ODF2: variants seen among roughly 807,000 people sequenced by gnomAD.
The protein encoded by ODF2 is outer dense fiber protein 2.
A neutral mutation model predicts 110.2 loss-of-function variants in ODF2; 47 were observed. The observed-to-expected ratio is 0.43, with a 90% CI of 0.34 to 0.54. The LOEUF is 0.54. ODF2 is among the 20% of genes least tolerant of loss of function. The pLI is 0.03. For missense variants in ODF2, 812 were observed against 1,054.5 expected, an observed-to-expected ratio of 0.77 and a Z score of 3.19; for synonymous variants, 352 against 397.7, an observed-to-expected ratio of 0.89 and a Z score of 1.37.
chr9:128,464,444 G>A (rs971432950), intron 4 of ODF2, among the ~76,000 whole-genome samples: 12 of 152,056 alleles, frequency 7.9e-5, no homozygotes, highest in Admixed American at 5.9e-4. Context: ...GTGAGCCACT[G>A]TGCCCAGCCC....
chr9:128,482,818 C>A, exon 10 of ODF2: 1 of 1,613,670 alleles, frequency 6.2e-7, no homozygotes, highest in Non-Finnish European at 8.5e-7. Flanking sequence ...TCTCCCAGCG[C>A]CTGCTGTTAC....
chr9:128,456,325 C>A, intron 1 of ODF2, 70 bp downstream of exon 1: 3 of 1,465,514 alleles, frequency 2.0e-6, no homozygotes, highest in East Asian at 2.8e-5. Context: ...CGCCTTCGCA[C>A]CCCCGGCGCG....
chr9:128,497,442 AAAAAATATATATAT>A (rs1845774404), intron 18 of ODF2: 1 of 83,228 alleles, frequency 1.2e-5, no homozygotes, highest in African/African-American at 8.3e-5. Context: ...AAAAAAAAAA[AAAAAATATATATAT>A]ATATATATAT....
chr9:128,489,869 A>T (rs1046986157), intron 14 of ODF2, among the ~76,000 whole-genome samples: 4 of 152,162 alleles, frequency 2.6e-5, no homozygotes, highest in African/African-American at 9.7e-5. Flanking sequence ...TAGTTGAACA[A>T]ATCTCCACAC....
chr9:128,499,988 C>A, intron 20 of ODF2, 79 bp from the exon 21 acceptor site: 1 of 1,525,390 alleles, frequency 6.6e-7, no homozygotes, highest in Non-Finnish European at 8.9e-7. Context: ...CTGGCAACTC[C>A]TAAGAAAGTC....
rs1842694515 is a variant in ODF2, at chr9:128,482,941, G to T, written c.987+54G>T. 14 of 1,436,282 alleles carry T rather than the reference G, an allele frequency of 9.7e-6. No homozygotes were observed. In the South Asian group the frequency reaches 1.6e-4, roughly 16 times the overall value. 89.0% of individuals were successfully genotyped at this position (1,436,282 alleles called of 1,614,324 possible). A position where few individuals can be genotyped will look rare whatever the true frequency, so the allele number is the denominator to read the frequency against. Reference sequence around the variant, plus strand: ...AGACGGAGTCTCGCTCTGTCGCCAGGCTGGAGTGCAATGGCGCGATCTCAG... The same window carrying T: ...AGACGGAGTCTCGCTCTGTCGCCAGTCTGGAGTGCAATGGCGCGATCTCAG... On this transcript the variant is annotated intron_variant, in intron 10 of 20. Transcript: ENST00000604420.
chr9:128,484,800 T>C (rs763660330), exon 12 of ODF2: 9 of 1,613,618 alleles, frequency 5.6e-6, no homozygotes, highest in African/African-American at 1.3e-5. Flanking sequence ...CAAAGAGAGC[T>C]TGAAGAAGGC....
chr9:128,471,550 A>G lies in ODF2; in HGVS notation c.581+82A>G, dbSNP rs1442420144. The G allele has an allele frequency of 1.8e-5, 25 of 1,424,956 alleles. No homozygotes were observed. The Middle Eastern group carries it at 5.3e-4, about 30-fold the overall frequency. 88.3% of individuals were successfully genotyped at this position (1,424,956 alleles called of 1,614,324 possible). ...GAGCCCTGGGCAATAATGGAAAGCA[A>G]CGTAGGAGGTGGGCACAGGCACTGT... On this transcript the variant is annotated intron_variant, in intron 6 of 20. Transcript: ENST00000604420.
intron 20 of ODF2, 54 bp from the exon 21 acceptor site, chr9:128,500,013 G>T: frequency 6.3e-7 from 1 of 1,599,326 alleles, no homozygotes; most frequent in East Asian, 2.2e-5. Flanking sequence ...TGTCTCTATG[G>T]ATTTCTATTT....
intron 10 of ODF2, 66 bp downstream of exon 10, chr9:128,482,953 T>G: frequency 2.3e-6 from 3 of 1,278,270 alleles, no homozygotes; most frequent in Non-Finnish European, 3.3e-6. Flanking sequence ...TGGAGTGCAA[T>G]GGCGCGATCT....
At chr9:128,469,970 A>C (rs1839300805) in intron 5 of ODF2, among the ~76,000 whole-genome samples, 1 of 103,258 alleles carries the variant, frequency 9.7e-6, no homozygotes. Context: ...GGCGACAGAG[A>C]GAGTCTCTGT....
chr9:128,459,623 G>A (rs1835875093), exon 3 of ODF2: 2 of 1,613,924 alleles, frequency 1.2e-6, no homozygotes, highest in Admixed American at 1.7e-5. Flanking sequence ...AAGGTCTTGA[G>A]AGCACCTTGT....
At chr9:128,489,441 C>T (rs1844086068) in intron 14 of ODF2, among the ~76,000 whole-genome samples, 1 of 152,176 alleles carries the variant, frequency 6.6e-6, no homozygotes, top group Non-Finnish European at 1.5e-5. Flanking sequence ...AAGGTAACTG[C>T]TAGCCCATCT....
At chr9:128,456,155 G>A in exon 1 of ODF2, 1 of 1,549,210 alleles carries the variant, frequency 6.5e-7, no homozygotes, top group East Asian at 2.4e-5. Flanking sequence ...CGCTGCCAGA[G>A]CCAGACTGCA....
chr9:128,480,921 A>G (rs772508588), intron 8 of ODF2, among the ~76,000 whole-genome samples: 4 of 152,210 alleles, frequency 2.6e-5, no homozygotes, highest in Non-Finnish European at 5.9e-5. Flanking sequence ...AGAGACAAAC[A>G]GTATTTCTCT....
exon 7 of ODF2, chr9:128,472,967 G>A (rs747691433): frequency 2.5e-6 from 4 of 1,614,162 alleles, no homozygotes; most frequent in East Asian, 2.2e-5. Context: ...CCAAGCTGGT[G>A]GAGGCGGAAA....
intron 4 of ODF2, among the ~76,000 whole-genome samples, chr9:128,466,266 G>T (rs1287217526): frequency 2.0e-5 from 3 of 152,008 alleles, no homozygotes; most frequent in Admixed American, 6.6e-5. Context: ...AGGAGTTGGA[G>T]ACCAGCTTGG....
chr9:128,484,408 C>T (rs1232028657), intron 11 of ODF2, among the ~76,000 whole-genome samples: 1 of 152,168 alleles, frequency 6.6e-6, no homozygotes. Context: ...GACCAAGGAA[C>T]TATCTCTGAC....
intron 18 of ODF2, among the ~76,000 whole-genome samples, chr9:128,496,657 C>G (rs1328884499): frequency 6.6e-6 from 1 of 152,244 alleles, no homozygotes; most frequent in Non-Finnish European, 1.5e-5. Context: ...TTGAGCAAAT[C>G]ATTTAATTCC....
Sources: allele counts gnomAD v4.1 joint callset (sites outside exome capture counted in the v4.1 genomes callset), GRCh38; gene constraint gnomAD v4.1.1; transcripts MANE v1.5; gene names NCBI Gene and HGNC (gene_info 2026-07-23, HGNC 2026-07-21).